Variants in KCNT2 observed in about 807,000 individuals in gnomAD.
KCNT2 encodes potassium sodium-activated channel subfamily T member 2, also known as potassium channel subfamily T member 2.
Under a neutral mutation model 153.8 loss-of-function variants are expected in KCNT2, and 67 were observed. The observed-to-expected ratio is 0.44, with a 90% confidence interval of 0.36 to 0.53. KCNT2 has a LOEUF of 0.53. Ranked by LOEUF, KCNT2 falls within the 20% of genes least tolerant of loss-of-function variation. The pLI is 0.00. For missense variants in KCNT2, 975 were observed against 1,354.8 expected (o/e 0.72, Z 4.40); for synonymous variants, 500 against 458.8 (o/e 1.09, Z -1.15).
intron 22 of KCNT2, among the ~76,000 whole-genome samples, chr1:196,293,972 C>A (rs374382386): frequency 1.3e-5 from 2 of 151,648 alleles, no homozygotes; most frequent in African/African-American, 4.8e-5. Flanking sequence ...GGGCTCATAT[C>A]CAAAATATAT....
Position 196,506,699 on chromosome 1 carries a change from C to G in KCNT2, c.96-14358G>C, listed in dbSNP as rs146953231. The stretch of plus-strand genomic sequence containing the variant: ...TAGAGCCTAATAAATAACTCAATTA[C>G]AACATCACTCTCCTGAAATACTGTT... On this transcript the variant is annotated intron_variant, in intron 1 of 27. Coordinates refer to ENST00000294725, the MANE Select transcript of KCNT2 (RefSeq NM_198503.5). 8.8e-3 allele frequency among the ~76,000 whole-genome samples: 1,334 copies of G among 152,242 alleles called. 24 individuals are homozygous for G. The highest frequency in any genetic ancestry group is 0.031 in the African/African-American group (1,284 of 41,554).
intron 13 of KCNT2, among the ~76,000 whole-genome samples, 184 bp from the exon 14 acceptor site, chr1:196,373,432 T>C (rs1668697254): frequency 6.6e-6 from 1 of 151,900 alleles, no homozygotes; most frequent in Admixed American, 6.6e-5. Flanking sequence ...TACTGGAGTA[T>C]GGGTTAAGTG....
At chr1:196,412,498 C>T (rs1410319407) in intron 12 of KCNT2, among the ~76,000 whole-genome samples, 1 of 151,468 alleles carries the variant, frequency 6.6e-6, no homozygotes, top group East Asian at 1.9e-4. Flanking sequence ...ATGTGCAATT[C>T]GGAGTGGGTT....
At chr1:196,228,380 A>G in intron 27 of KCNT2, 45 bp from the exon 28 acceptor site, 1 of 963,288 alleles carries the variant, frequency 1.0e-6, no homozygotes, top group Non-Finnish European at 1.6e-6. Flanking sequence ...TAGTAAATAC[A>G]GGCAACATTA....
chr1:196,516,323 G>C (rs776492570), intron 1 of KCNT2, among the ~76,000 whole-genome samples: 1 of 151,948 alleles, frequency 6.6e-6, no homozygotes, highest in Admixed American at 6.6e-5. Flanking sequence ...TAGGGACTGC[G>C]GTGGTCCCCC....
intron 12 of KCNT2, among the ~76,000 whole-genome samples, chr1:196,399,098 T>C (rs1031885860): frequency 1.2e-4 from 3 of 25,718 alleles, no homozygotes; most frequent in African/African-American, 3.3e-4. Flanking sequence ...CCTGTGTGTA[T>C]GTGTGTGTGT....
chr1:196,532,327 T>A lies in KCNT2; in HGVS notation c.96-39986A>T, dbSNP rs1202317817. Among the ~76,000 whole-genome samples, 3 of 152,120 alleles carry A rather than the reference T, an allele frequency of 2.0e-5. No individual in the cohort carries two copies. In the East Asian group the frequency reaches 5.8e-4, roughly 29 times the overall value. On this transcript the variant is annotated intron_variant, in intron 1 of 27. Coordinates refer to ENST00000294725, the MANE Select transcript of KCNT2 (RefSeq NM_198503.5). ...GGTGATATTTACAATTTCCATGTAA[T>A]TTATTTGGACCTGATTTTGAGTTTC...
At chr1:196,301,960 G>A (rs564136056) in intron 22 of KCNT2, among the ~76,000 whole-genome samples, 1 of 152,100 alleles carries the variant, frequency 6.6e-6, no homozygotes, top group South Asian at 2.1e-4. Context: ...CGCTGGTCTC[G>A]AACTCCTGAC....
chr1:196,333,862 A>T lies in KCNT2; in HGVS notation c.1982T>A (p.Met661Lys). ...CTGAACATACTCTAAGTTTGAAGAC[A>T]TTTCTTCATCTGGTGTAGTTTCATC... ...SEDETTPDEEMSSNLEYAKGY... is the reference protein window; with the variant it reads ...SEDETTPDEEKSSNLEYAKGY... Residue 661 changes from methionine (M) to lysine (K), a missense_variant, in exon 17 of 28, where the codon ATG becomes AAG. Around this residue, in one of 6 missense-constraint regions of KCNT2, gnomAD observed 325 missense variants for 388.1 expected, o/e 0.84. Coordinates refer to ENST00000294725, the MANE Select transcript of KCNT2 (RefSeq NM_198503.5). 6.2e-7 allele frequency: 1 copy of T among 1,607,638 alleles called. No homozygotes were observed. Among genetic ancestry groups the T allele is most frequent in the Non-Finnish European group, 8.5e-7 (1 of 1,174,782 alleles).
intron 21 of KCNT2, among the ~76,000 whole-genome samples, chr1:196,307,085 G>A (rs1661702469): frequency 6.6e-6 from 1 of 151,928 alleles, no homozygotes; most frequent in Non-Finnish European, 1.5e-5. Context: ...TAAAAATACA[G>A]TAATTTTATT....
chr1:196,371,649 C>CT (rs1668548274), intron 14 of KCNT2, among the ~76,000 whole-genome samples: 1 of 151,908 alleles, frequency 6.6e-6, no homozygotes, highest in Non-Finnish European at 1.5e-5. Flanking sequence ...ACATTGCTTT[C>CT]TTTTTTAATA....
Position 196,379,624 on chromosome 1 carries a change from G to C in KCNT2, c.1295-6376C>G, listed in dbSNP as rs1025044975. Among the ~76,000 whole-genome samples the C allele has an allele frequency of 2.0e-5, 3 of 149,902 alleles. No individual in the cohort carries two copies. In the East Asian group the frequency reaches 5.8e-4, roughly 29 times the overall value. On this transcript the variant is annotated intron_variant, in intron 13 of 27. Transcript: ENST00000294725. The stretch of plus-strand genomic sequence containing the variant: ...CTCTCTCTCTGTATATATGGAGAGA[G>C]AGAAGAAAATACAAGATATATGTAC...
chr1:196,457,519 T>C (rs1410391238), intron 8 of KCNT2, among the ~76,000 whole-genome samples: 1 of 105,840 alleles, frequency 9.4e-6, no homozygotes, highest in Admixed American at 1.0e-4. Flanking sequence ...TCTTAAAGCT[T>C]ACCAAAAAAA....
At chr1:196,574,594 A>G (rs1661142754) in intron 1 of KCNT2, among the ~76,000 whole-genome samples, 1 of 151,926 alleles carries the variant, frequency 6.6e-6, no homozygotes, top group Non-Finnish European at 1.5e-5. Flanking sequence ...CAAATTTCGA[A>G]TTGTTTTTCT....
At chr1:196,479,994 T>C (rs1407920099) in intron 4 of KCNT2, among the ~76,000 whole-genome samples, 4 of 152,240 alleles carry the variant, frequency 2.6e-5, no homozygotes, top group African/African-American at 7.2e-5. Context: ...CAATTCCCCT[T>C]GTGCAGATAG....
chr1:196,560,775 A>C (rs1392359451), intron 1 of KCNT2, among the ~76,000 whole-genome samples: 1 of 151,734 alleles, frequency 6.6e-6, no homozygotes, highest in African/African-American at 2.4e-5. Flanking sequence ...ACTTGTGACA[A>C]ATGGTGCTGC....
intron 1 of KCNT2, among the ~76,000 whole-genome samples, chr1:196,600,512 T>C (rs1262688331): frequency 1.1e-4 from 2 of 18,370 alleles, no homozygotes; most frequent in African/African-American, 2.7e-4. Context: ...TATCAGTGAT[T>C]GTTTTAGGCA....
intron 13 of KCNT2, among the ~76,000 whole-genome samples, chr1:196,388,334 T>A (rs1435780725): frequency 6.6e-6 from 1 of 151,740 alleles, no homozygotes; most frequent in African/African-American, 2.4e-5. Flanking sequence ...ACAACAGAGG[T>A]ACTACGGATA....
chr1:196,454,723 A>C (rs1421936484), intron 8 of KCNT2, among the ~76,000 whole-genome samples: 1 of 151,996 alleles, frequency 6.6e-6, no homozygotes, highest in Non-Finnish European at 1.5e-5. Context: ...TGATTGCTGC[A>C]GGAAAAAAAA....
Sources: gnomAD v4.1 joint callset for allele counts (sites outside exome capture counted in the v4.1 genomes callset) on GRCh38, gnomAD v4.1.1 for gene constraint, gnomAD v4.1.1 regional missense constraint, MANE v1.5 for transcripts, NCBI Gene and HGNC (gene_info 2026-07-23, HGNC 2026-07-21) for gene names.